The following PATJ variants were observed in gnomAD, a reference collection of about 807,000 sequenced individuals.
PATJ encodes the protein inaD-like protein.
A neutral mutation model predicts 224.9 loss-of-function variants in PATJ; 190 were observed. The observed-to-expected ratio is 0.84, with a 90% CI of 0.75 to 0.95. PATJ has a LOEUF of 0.95. Ranked by LOEUF, PATJ falls within the 40% of genes least tolerant of loss-of-function variation. The pLI is 0.00. For synonymous variants in PATJ, 769 were observed against 820.3 expected (o/e 0.94, Z 1.07); for missense variants, 2,121 against 2,270.3 (o/e 0.93, Z 1.34).
At chr1:61,813,694 A>G (rs1469420134) in intron 14 of PATJ, among the ~76,000 whole-genome samples, 3 of 152,102 alleles carry the variant, frequency 2.0e-5, no homozygotes, top group Admixed American at 6.6e-5. Flanking sequence ...CATGGAGAAT[A>G]TTAAGGCAGG....
At chr1:61,822,502 G>A (rs145962082) in intron 14 of PATJ, among the ~76,000 whole-genome samples, 1 of 151,980 alleles carries the variant, frequency 6.6e-6, no homozygotes, top group African/African-American at 2.4e-5. Flanking sequence ...GAGATGTACA[G>A]AGGGCAGTCT....
chr1:61,908,290 G>C, intron 24 of PATJ, 82 bp from the exon 25 acceptor site: 1 of 883,904 alleles, frequency 1.1e-6, no homozygotes, highest in Non-Finnish European at 1.9e-6. Flanking sequence ...CTTATAACTA[G>C]ATAATGCACA....
chr1:61,754,520 G>GTTTTTTTTTT (rs548557219), intron 1 of PATJ, among the ~76,000 whole-genome samples: 2 of 94,446 alleles, frequency 2.1e-5, no homozygotes, highest in Non-Finnish European at 4.2e-5. Flanking sequence ...TTTTTTGCAT[G>GTTTTTTTTTT]TTTTTTTTTT....
chr1:61,864,738 T>G, intron 20 of PATJ, 105 bp downstream of exon 20: 46 of 966,018 alleles, frequency 4.8e-5, no homozygotes, highest in Non-Finnish European at 6.1e-5. Flanking sequence ...AAATGGGCCT[T>G]TCCGTAAGTC....
rs764523491 is a variant in PATJ at position 61,884,245 on chromosome 1, C to T, written c.2968C>T (p.Pro990Ser). ...CTGGATTTGCTCTTCAGGCATGATC[C>T]CGAATGATGTCCAAGGTCCTAGCTT... ...AKTSLDLGMI[P>S]NDVQGPSLLI... The change falls in exon 22 of 44, where the codon CCG becomes TCG. Residue 990 changes from proline (P) to serine (S), a missense_variant. Physicochemically the swap from Pro to Ser is moderately conservative, Grantham distance 74 (BLOSUM62 -1). Transcript: ENST00000642238. The T allele has an allele frequency of 1.2e-6, 2 of 1,600,790 alleles. No homozygotes were observed. Among genetic ancestry groups the T allele is most frequent in the Admixed American group, 3.5e-5 (2 of 56,974 alleles).
At chr1:61,746,368 C>T (rs1483129928) in intron 1 of PATJ, among the ~76,000 whole-genome samples, 2 of 152,224 alleles carry the variant, frequency 1.3e-5, no homozygotes, top group African/African-American at 2.4e-5. Context: ...GTGAGCCACC[C>T]TTCTGGCCCA....
intron 33 of PATJ, among the ~76,000 whole-genome samples, chr1:62,092,003 C>T (rs1163022270): frequency 1.3e-5 from 2 of 150,086 alleles, no homozygotes; most frequent in Non-Finnish European, 3.0e-5. Context: ...TTGCAGTGAG[C>T]CGAGATCGCA....
At chr1:62,106,867 G>A (rs919871151) in intron 33 of PATJ, among the ~76,000 whole-genome samples, 1 of 152,138 alleles carries the variant, frequency 6.6e-6, no homozygotes, top group Non-Finnish European at 1.5e-5. Context: ...AAGTGTCAAA[G>A]ATGTCAGCCC....
intron 28 of PATJ, 89 bp downstream of exon 28, chr1:61,990,453 T>A: frequency 1.3e-6 from 1 of 769,764 alleles, no homozygotes; most frequent in Non-Finnish European, 1.9e-6. Context: ...AAGGGAAGAA[T>A]GATGTCAAAT....
At position 62,162,084 on chromosome 1, in the gene PATJ, A is replaced by C. The variant is rs1044476936; in HGVS notation, c.*1030A>C. On this transcript the variant is annotated 3_prime_UTR_variant, in exon 44 of 44. Transcript: ENST00000642238. ...ATTGTTTTCTGTGCCATATAAATGC[A>C]TACCACTGAGCAAATGAACCTTATT... is the stretch of plus-strand genomic sequence containing the variant. 2 of 152,230 alleles carry C rather than the reference A, an allele frequency of 1.3e-5. No homozygotes were observed. The highest frequency in any genetic ancestry group is 1.9e-4 in the East Asian group (1 of 5,200). 9.4% of individuals were successfully genotyped at this position (152,230 alleles called of 1,614,324 possible).
At chr1:62,136,675 GTGTGTGTGTGTGTGTGTC>G (rs1344593382) in intron 41 of PATJ, among the ~76,000 whole-genome samples, 18 of 151,186 alleles carry the variant, frequency 1.2e-4, no homozygotes, top group African/African-American at 4.4e-4. Context: ...CTGTGTGTGT[GTGTGTGTGTGTGTGTGTC>G]TGTGTGTGTG....
chr1:61,906,296 A>G (rs1671849340), intron 24 of PATJ, among the ~76,000 whole-genome samples: 1 of 152,160 alleles, frequency 6.6e-6, no homozygotes, highest in African/African-American at 2.4e-5. Context: ...TTGTTGTTCA[A>G]GGGTTTTTAC....
chr1:61,843,411 A>G (rs1016673759), intron 17 of PATJ, among the ~76,000 whole-genome samples: 2 of 152,182 alleles, frequency 1.3e-5, no homozygotes, highest in African/African-American at 4.8e-5. Flanking sequence ...AATAGAAGTA[A>G]TATTTGCTTT....
intron 28 of PATJ, among the ~76,000 whole-genome samples, chr1:62,015,265 C>T (rs1646706738): frequency 1.3e-5 from 2 of 151,610 alleles, no homozygotes; most frequent in African/African-American, 2.4e-5. Context: ...GATCATGCCA[C>T]TGCACTCCAG....
chr1:62,144,774 AAAAAT>A (rs1299349460), intron 41 of PATJ, among the ~76,000 whole-genome samples: 5 of 80,836 alleles, frequency 6.2e-5, no homozygotes, highest in South Asian at 7.3e-4. Flanking sequence ...TGCAAAAAAA[AAAAAT>A]ATATATATAT....
intron 42 of PATJ, among the ~76,000 whole-genome samples, chr1:62,150,463 T>G (rs1301183864): frequency 6.6e-6 from 1 of 151,846 alleles, no homozygotes; most frequent in Non-Finnish European, 1.5e-5. Context: ...ATAACTCAGT[T>G]AAGGAGTGTA....
At chr1:61,790,856 TG>T (rs1649704185) in intron 8 of PATJ, among the ~76,000 whole-genome samples, 2 of 152,186 alleles carry the variant, frequency 1.3e-5, no homozygotes, top group Non-Finnish European at 2.9e-5. Context: ...AGTGTGGGCC[TG>T]GCTGGGCTCT....
rs549834668 is a variant in PATJ, at chr1:61,789,511, A to T, written c.1068+1539A>T. ...GGAAGTTTTCTATTTGAAATATCAG[A>T]ACCTTTAAAAAGTTTCTCCAGCCGG... On this transcript the variant is annotated intron_variant, in intron 8 of 43. Coordinates refer to ENST00000642238, the MANE Select transcript of PATJ (RefSeq NM_001350145.3). Among the ~76,000 whole-genome samples the T allele has an allele frequency of 3.0e-4, 45 of 151,698 alleles. No homozygotes were observed. In the South Asian group the frequency reaches 9.4e-3, roughly 32 times the overall value.
chr1:61,927,790 G>A lies in PATJ; in HGVS notation c.3631G>A (p.Asp1211Asn), dbSNP rs754508272. Residue 1211 changes from aspartate (D) to asparagine (N), a missense_variant, in exon 27 of 44, where the codon GAC (aspartate) becomes AAC (asparagine). Transcript: ENST00000642238. ...TCCTCCTTATAAAGCTCTGACTGAT[G>A]ACAGTGATGAAAATGAAGAAGAAGA... is the stretch of plus-strand genomic sequence containing the variant. ...LPPPYKALTD[D>N]SDENEEEDAF... The A allele has an allele frequency of 8.7e-6, 14 of 1,613,390 alleles. No individual in the cohort carries two copies. The South Asian group carries it at 1.4e-4, about 16-fold the overall frequency.
Sources: gnomAD v4.1 joint callset for allele counts (sites outside exome capture counted in the v4.1 genomes callset) on GRCh38, gnomAD v4.1.1 for gene constraint, MANE v1.5 for transcripts, NCBI Gene and HGNC (gene_info 2026-07-23, HGNC 2026-07-21) for gene names.